Variants in TDRD9 observed in about 807,000 individuals in gnomAD.
The protein encoded by TDRD9 is tudor domain containing 9.
A neutral mutation model predicts 172.6 loss-of-function variants in TDRD9; 124 were observed. That is an observed-to-expected ratio of 0.72 (90% CI 0.62 to 0.83). TDRD9 has a LOEUF of 0.83. Among genes scored for constraint, TDRD9 ranks in the 40% least tolerant of loss-of-function variants. The pLI, the probability that TDRD9 is intolerant of heterozygous loss-of-function variation, is 0.00. For missense variants in TDRD9, 1,479 were observed against 1,714.1 expected, an observed-to-expected ratio of 0.86 and a Z score of 2.42; for synonymous variants, 619 against 617.1, an observed-to-expected ratio of 1.00 and a Z score of -0.05.
chr14:103,969,666 CTT>C (rs1203269476), intron 5 of TDRD9, among the ~76,000 whole-genome samples: 1 of 152,180 alleles, frequency 6.6e-6, no homozygotes, highest in Non-Finnish European at 1.5e-5. Context: ...CTCTTTGAAA[CTT>C]AGTAATTATC....
At chr14:103,955,917 C>T (rs2032170825) in intron 2 of TDRD9, 147 bp downstream of exon 2, 3 of 608,304 alleles carry the variant, frequency 4.9e-6, no homozygotes, top group Non-Finnish European at 8.4e-6. Context: ...TAACACTAGC[C>T]TGGGCAACAT....
chr14:104,002,721 TC>T (rs2034303384), intron 13 of TDRD9, among the ~76,000 whole-genome samples: 3 of 140,454 alleles, frequency 2.1e-5, no homozygotes, highest in Non-Finnish European at 4.9e-5. Context: ...TAACCTTTTT[TC>T]TTTTCTTTTC....
intron 34 of TDRD9, among the ~76,000 whole-genome samples, chr14:104,047,301 G>A (rs1427749871): frequency 2.0e-5 from 3 of 152,132 alleles, no homozygotes; most frequent in Non-Finnish European, 4.4e-5. Context: ...GAAAGGAACA[G>A]TTGATTTTTA....
intron 1 of TDRD9, chr14:103,939,676 GGTTTTTTTTTTTTTT>G (rs2031055630): frequency 5.5e-5 from 2 of 36,298 alleles, no homozygotes; most frequent in Non-Finnish European, 1.1e-4. Context: ...AAGTTAGGAG[GGTTTTTTTTTTTTTT>G]TTTTTTTTTT....
chr14:103,982,387 C>G (rs1394377050), intron 7 of TDRD9, among the ~76,000 whole-genome samples: 1 of 152,146 alleles, frequency 6.6e-6, no homozygotes, highest in East Asian at 1.9e-4. Flanking sequence ...CTGCACCTGC[C>G]AGGGTCCCTA....
intron 1 of TDRD9, among the ~76,000 whole-genome samples, chr14:103,934,084 A>G (rs2030586572): frequency 6.6e-6 from 1 of 151,618 alleles, no homozygotes; most frequent in South Asian, 2.1e-4. Flanking sequence ...GCTGCTGTGC[A>G]TAGCTCGCTG....
At chr14:103,962,965 A>AGCGT (rs1555365747) in intron 2 of TDRD9, 114 bp from the exon 3 acceptor site, 6 of 404,648 alleles carry the variant, frequency 1.5e-5, no homozygotes, top group Non-Finnish European at 2.6e-5. Context: ...TTTGTATTTG[A>AGCGT]GTGTGTGTGT....
At chr14:103,994,454 GTATT>G (rs1159188693) in intron 10 of TDRD9, 61 bp from the exon 11 acceptor site, 2 of 1,603,276 alleles carry the variant, frequency 1.2e-6, no homozygotes, top group Admixed American at 3.3e-5. Flanking sequence ...AATTATCTCA[GTATT>G]TATTTTTGTA....
intron 7 of TDRD9, among the ~76,000 whole-genome samples, chr14:103,981,184 G>T (rs1464315631): frequency 6.6e-6 from 1 of 152,208 alleles, no homozygotes; most frequent in African/African-American, 2.4e-5. Flanking sequence ...TGGGATTACA[G>T]GCATGAGCCA....
chr14:103,938,997 C>A (rs1454255165), intron 1 of TDRD9, among the ~76,000 whole-genome samples: 1 of 151,962 alleles, frequency 6.6e-6, no homozygotes, highest in East Asian at 1.9e-4. Context: ...TTTTTTCAAG[C>A]TTGGGTGGAA....
chr14:103,950,232 G>T (rs1226419247), intron 1 of TDRD9, among the ~76,000 whole-genome samples: 2 of 151,630 alleles, frequency 1.3e-5, no homozygotes, highest in Non-Finnish European at 2.9e-5. Flanking sequence ...TGGGATTATA[G>T]GCACGTGCCA....
intron 28 of TDRD9, among the ~76,000 whole-genome samples, chr14:104,028,461 A>G (rs1323818602): frequency 2.0e-5 from 3 of 152,100 alleles, no homozygotes; most frequent in Non-Finnish European, 2.9e-5. Context: ...ATCATTTTTC[A>G]TATATTTGTT....
chr14:103,950,917 T>A lies in TDRD9; in HGVS notation c.216-4747T>A, dbSNP rs529661138. ...AAAAGAATATTTCTCCAAGGACATC[T>A]GCCCAGCCACTGCTTGACCAGCTTC... is the stretch of plus-strand genomic sequence containing the variant. On this transcript the variant is annotated intron_variant, in intron 1 of 35. Transcript: ENST00000409874. Among the ~76,000 whole-genome samples, 8 of 152,356 alleles carry A rather than the reference T, an allele frequency of 5.3e-5. No individual in the cohort carries two copies. The South Asian group carries it at 1.7e-3, about 32-fold the overall frequency.
At chr14:103,939,265 G>T (rs1428380738) in intron 1 of TDRD9, among the ~76,000 whole-genome samples, 2 of 152,170 alleles carry the variant, frequency 1.3e-5, no homozygotes. Flanking sequence ...ACCAATTCTA[G>T]TACCGGGCTT....
intron 24 of TDRD9, among the ~76,000 whole-genome samples, chr14:104,022,851 A>C (rs956140376): frequency 1.3e-5 from 2 of 152,220 alleles, no homozygotes; most frequent in African/African-American, 2.4e-5. Flanking sequence ...CACATTACCT[A>C]ACCTCTCTGA....
chr14:103,986,887 C>T (rs113877075), intron 8 of TDRD9, among the ~76,000 whole-genome samples: 4,538 of 152,066 alleles, frequency 0.03, 242 homozygotes, highest in African/African-American at 0.1. Flanking sequence ...AGGCCGAGGT[C>T]GGGGGATCAC....
chr14:103,989,464 A>G (rs1376416192), intron 8 of TDRD9, among the ~76,000 whole-genome samples: 6 of 152,256 alleles, frequency 3.9e-5, no homozygotes, highest in Non-Finnish European at 7.3e-5. Flanking sequence ...GCAGGAGGCC[A>G]TGCTGTGCAG....
chr14:103,952,864 C>T (rs531469856), intron 1 of TDRD9, among the ~76,000 whole-genome samples: 6 of 151,022 alleles, frequency 4.0e-5, no homozygotes, highest in East Asian at 1.9e-4. Context: ...CTCAGTCTCC[C>T]GAGTAGCTGG....
chr14:103,973,412 G>T (rs1029593998), intron 6 of TDRD9, among the ~76,000 whole-genome samples: 3 of 152,056 alleles, frequency 2.0e-5, no homozygotes, highest in African/African-American at 7.2e-5. Context: ...CCCCGACCTG[G>T]CTTCCTCTCA....
Sources: allele counts gnomAD v4.1 joint callset (sites outside exome capture counted in the v4.1 genomes callset), GRCh38; gene constraint gnomAD v4.1.1; transcripts MANE v1.5; gene names NCBI Gene and HGNC (gene_info 2026-07-23, HGNC 2026-07-21).